The following FGF12 variants were observed in gnomAD, a reference collection of about 807,000 sequenced individuals.
The protein encoded by FGF12 is fibroblast growth factor 12.
In FGF12, 14 loss-of-function variants were observed where a neutral mutation model predicts 23.6. The observed-to-expected ratio is 0.59, with a 90% CI of 0.39 to 0.93. The LOEUF is 0.93. FGF12 is among the 40% of genes least tolerant of loss of function. FGF12 has a pLI of 0.00. For synonymous variants in FGF12, 62 were observed against 77.3 expected, an observed-to-expected ratio of 0.80 and a Z score of 1.04; for missense variants, 175 against 217.8, an observed-to-expected ratio of 0.80 and a Z score of 1.24.
In FGF12 at chr3:192,229,110, A is replaced by T. The variant is rs910898285; in HGVS notation, c.229-58454T>A. Among the ~76,000 whole-genome samples, 4 of 151,836 alleles carry T rather than the reference A, an allele frequency of 2.6e-5. No individual in the cohort carries two copies. The East Asian group carries it at 7.7e-4, about 29-fold the overall frequency. ...TTCTATACTAAACCTAAGTTGTCTA[A>T]CTTCTGGGACATGGCTGATGCACTA... On this transcript the variant is annotated intron_variant, in intron 4 of 5. Transcript: ENST00000445105.
chr3:192,599,990 AT>A (rs1210838045), intron 2 of FGF12, among the ~76,000 whole-genome samples: 4 of 151,818 alleles, frequency 2.6e-5, no homozygotes, highest in African/African-American at 9.7e-5. Context: ...TGTTTTCTCT[AT>A]GTTTTCTTCT....
intron 3 of FGF12, among the ~76,000 whole-genome samples, chr3:192,353,410 C>T (rs1718316981): frequency 7.1e-6 from 1 of 140,428 alleles, no homozygotes; most frequent in Non-Finnish European, 1.5e-5. Flanking sequence ...CGCTCTGTCA[C>T]CCAGGCTGGA....
chr3:192,512,319 T>A (rs1724502213), intron 2 of FGF12, among the ~76,000 whole-genome samples: 1 of 152,056 alleles, frequency 6.6e-6, no homozygotes, highest in African/African-American at 2.4e-5. Flanking sequence ...ACATGAAAAA[T>A]TGCTGTGAGG....
chr3:192,206,720 C>A (rs1343173329), intron 4 of FGF12, among the ~76,000 whole-genome samples: 1 of 152,114 alleles, frequency 6.6e-6, no homozygotes, highest in Non-Finnish European at 1.5e-5. Context: ...GGGACCCTAC[C>A]TATAAGTTTT....
intron 2 of FGF12, among the ~76,000 whole-genome samples, chr3:192,381,649 G>C (rs1699949139): frequency 1.3e-5 from 2 of 152,194 alleles, no homozygotes; most frequent in African/African-American, 4.8e-5. Flanking sequence ...CATTGAAGAT[G>C]AGTGTAAAGA....
In FGF12 at chr3:192,408,231, C is replaced by G; in HGVS notation, c.14-47693G>C. On this transcript the variant is annotated intron_variant, in intron 2 of 5. Coordinates refer to ENST00000445105, the MANE Select transcript of FGF12 (RefSeq NM_004113.6). The surrounding 1 kb of genome is among the most constrained non-coding windows in gnomAD (Gnocchi z 7.3). ...GGCTATCGCCGCAGCCATAGCTGCT[C>G]AGCGAGGGCCTCAGGCCCCAGCCTC... 6.3e-7 allele frequency: 1 copy of G among 1,591,480 alleles called. No homozygotes were observed.
chr3:192,561,725 T>G (rs141519213), intron 2 of FGF12, among the ~76,000 whole-genome samples: 1 of 152,260 alleles, frequency 6.6e-6, no homozygotes, highest in East Asian at 1.9e-4. Context: ...GTGTACTATG[T>G]TACAAACGAT....
intron 4 of FGF12, among the ~76,000 whole-genome samples, chr3:192,300,702 C>A (rs1032401318): frequency 3.3e-5 from 5 of 151,972 alleles, no homozygotes; most frequent in Admixed American, 1.3e-4. Flanking sequence ...CAAGTTGATC[C>A]ATGGCACAAA....
chr3:192,621,844 T>C (rs746532539), intron 2 of FGF12, among the ~76,000 whole-genome samples: 3 of 152,002 alleles, frequency 2.0e-5, no homozygotes, highest in Non-Finnish European at 2.9e-5. Context: ...CTAGTGGAAA[T>C]GATACAACGC....
intron 2 of FGF12, among the ~76,000 whole-genome samples, chr3:192,525,327 TTCTC>T (rs1238599402): frequency 6.6e-6 from 1 of 152,216 alleles, no homozygotes; most frequent in Non-Finnish European, 1.5e-5. Context: ...ACACGTATCT[TTCTC>T]TGTAAACTTC....
At chr3:192,722,800 G>C (rs1445689872) in intron 2 of FGF12, among the ~76,000 whole-genome samples, 1 of 152,186 alleles carries the variant, frequency 6.6e-6, no homozygotes, top group Non-Finnish European at 1.5e-5. Flanking sequence ...TTGCCCACGA[G>C]AAGGTTAATA....
intron 4 of FGF12, among the ~76,000 whole-genome samples, chr3:192,250,638 T>C (rs534738151): frequency 4.3e-4 from 65 of 152,258 alleles, no homozygotes; most frequent in African/African-American, 1.5e-3. Flanking sequence ...ATTTAGATAA[T>C]TGATTTTAAA....
rs1010315677 is a variant in FGF12, at chr3:192,616,539, T to G, written c.13+110642A>C. ...GAGGCATAGACTCTCAGAATTTTGTTGTTTGAAGAGTTCTCAGCATAAGTG... is the reference window on the plus strand; with the variant it reads ...GAGGCATAGACTCTCAGAATTTTGTGGTTTGAAGAGTTCTCAGCATAAGTG... On this transcript the variant is annotated intron_variant, in intron 2 of 5. Coordinates refer to ENST00000445105, the MANE Select transcript of FGF12 (RefSeq NM_004113.6). 9.9e-5 allele frequency among the ~76,000 whole-genome samples: 15 copies of G among 152,008 alleles called. No homozygotes were observed. The East Asian group carries it at 2.9e-3, about 29-fold the overall frequency.
intron 4 of FGF12, among the ~76,000 whole-genome samples, chr3:192,232,296 T>A (rs1232595921): frequency 2.0e-5 from 3 of 152,140 alleles, no homozygotes; most frequent in Non-Finnish European, 4.4e-5. Flanking sequence ...AAAGAAGGAA[T>A]GATTATGATA....
chr3:192,236,710 C>T lies in FGF12; in HGVS notation c.229-66054G>A, dbSNP rs138678555. On this transcript the variant is annotated intron_variant, in intron 4 of 5. Coordinates refer to ENST00000445105, the MANE Select transcript of FGF12 (RefSeq NM_004113.6). The stretch of plus-strand genomic sequence containing the variant: ...TGCTCTCCCTTTGCTTGATCTTTCT[C>T]CATCCCTTTACTTTGAGCATATGGA... 2.2e-3 allele frequency among the ~76,000 whole-genome samples: 334 copies of T among 152,268 alleles called. 2 individuals carry two copies. The highest frequency in any genetic ancestry group is 5.5e-3 in the African/African-American group (228 of 41,576).
intron 2 of FGF12, among the ~76,000 whole-genome samples, chr3:192,503,577 T>TTGG (rs765590339): frequency 9.6e-3 from 37 of 3,870 alleles, no homozygotes; most frequent in African/African-American, 0.013. Flanking sequence ...TTGTTTTGGT[T>TTGG]TTTTTTTTTT....
intron 2 of FGF12, among the ~76,000 whole-genome samples, chr3:192,709,216 C>T (rs1718586658): frequency 6.6e-6 from 1 of 152,188 alleles, no homozygotes. Flanking sequence ...TCAATCAATA[C>T]TAACCTGTAC....
chr3:192,482,050 G>A (rs548028470), intron 2 of FGF12, among the ~76,000 whole-genome samples: 71 of 152,260 alleles, frequency 4.7e-4, no homozygotes, highest in African/African-American at 1.7e-3. Flanking sequence ...CCCAATGTTT[G>A]CTACTATGTC....
chr3:192,669,575 G>T (rs2108692505), intron 2 of FGF12, among the ~76,000 whole-genome samples: 1 of 115,808 alleles, frequency 8.6e-6, no homozygotes, highest in African/African-American at 3.3e-5. Flanking sequence ...CTACACTCTA[G>T]CCTGGAGACA....
Sources: gnomAD v4.1 joint callset for allele counts (sites outside exome capture counted in the v4.1 genomes callset) on GRCh38, gnomAD v4.1.1 for gene constraint, Gnocchi (gnomAD v3.1) non-coding constraint, MANE v1.5 for transcripts, NCBI Gene and HGNC (gene_info 2026-07-23, HGNC 2026-07-21) for gene names.